Variants in ENDOD1 observed in about 807,000 individuals in gnomAD.
ENDOD1 encodes the protein endonuclease domain containing 1.
A neutral mutation model predicts 6.5 loss-of-function variants in ENDOD1; 9 were observed. The ratio of observed to expected loss-of-function variants is 1.39; its 90% CI spans 0.84 to 2.43. ENDOD1 has a LOEUF of 2.43. ENDOD1 is among the 30% of genes most tolerant of loss of function. The pLI, the probability that ENDOD1 is intolerant of heterozygous loss-of-function variation, is 0.00. For synonymous variants in ENDOD1, 255 were observed against 255.2 expected (o/e 1.00, Z 0.01); for missense variants, 648 against 635.5 (o/e 1.02, Z -0.21).
At chr11:95,111,069 G>T (rs1203914951) in intron 1 of ENDOD1, among the ~76,000 whole-genome samples, 1 of 152,134 alleles carries the variant, frequency 6.6e-6, no homozygotes, top group Admixed American at 6.5e-5. Flanking sequence ...GTACTGGCAG[G>T]CTCCAAATCT....
intron 1 of ENDOD1, among the ~76,000 whole-genome samples, chr11:95,125,565 G>T (rs947012935): frequency 7.3e-5 from 11 of 151,686 alleles, no homozygotes; most frequent in Non-Finnish European, 1.3e-4. Context: ...TTAGCATTAG[G>T]TATATCTCCT....
chr11:95,097,080 G>A (rs987072134), intron 1 of ENDOD1, among the ~76,000 whole-genome samples: 1 of 151,770 alleles, frequency 6.6e-6, no homozygotes, highest in African/African-American at 2.4e-5. Flanking sequence ...ATTTGGGCCT[G>A]GGAGGTAGAG....
In ENDOD1 at chr11:95,090,053, C is replaced by G; in HGVS notation, c.126C>G (p.Thr42=). Residue 42 remains threonine, a synonymous_variant, in exon 1 of 2, where the codon ACC becomes ACG. Transcript: ENST00000278505. ...GECDKFFYAG[T]PPAGLAADSH... ...GTGACAAGTTCTTCTACGCCGGGAC[C>G]CCGCCTGCGGGGCTGGCGGCCGATT... is the stretch of plus-strand genomic sequence containing the variant. 6.2e-7 allele frequency: 1 copy of G among 1,602,562 alleles called. No individual in the cohort carries two copies. The highest frequency in any genetic ancestry group is 8.5e-7 in the Non-Finnish European group (1 of 1,175,790).
chr11:95,125,622 C>T lies in ENDOD1; in HGVS notation c.301-2755C>T, dbSNP rs187614341. ...CCCAACCCCACAACCATCCCCGGTG[C>T]GTGATGTTCCCCTTCCTGTGTCCAT... On this transcript the variant is annotated intron_variant, in intron 1 of 1. Coordinates refer to ENST00000278505, the MANE Select transcript of ENDOD1 (RefSeq NM_015036.3). Among the ~76,000 whole-genome samples the T allele has an allele frequency of 2.7e-3, 382 of 140,592 alleles. 2 individuals are homozygous for T. The highest frequency in any genetic ancestry group is 9.4e-3 in the African/African-American group (357 of 38,064). The allele number at this position is 140,592 out of a possible 152,430, so 92.2% of individuals were successfully genotyped here.
At position 95,128,442 on chromosome 11, in the gene ENDOD1, C is replaced by G. The variant is rs763807885; in HGVS notation, c.366C>G (p.Asn122Lys). Residue 122 changes from asparagine (N) to lysine (K), a missense_variant, in exon 2 of 2, where the codon AAC (asparagine) becomes AAG (lysine). Transcript: ENST00000278505. ...AGGCAGAGGCCATCACCTCTGTGAA[C>G]AGCCTGGGAAGCAAGCAAGCCTTGA... ...INEAEAITSV[N>K]SLGSKQALNT... 9 of 1,614,080 alleles carry G rather than the reference C, an allele frequency of 5.6e-6. No homozygotes were observed. In the African/African-American group the frequency reaches 8.0e-5, roughly 14 times the overall value.
At chr11:95,115,789 A>T (rs377075586) in intron 1 of ENDOD1, among the ~76,000 whole-genome samples, 3 of 152,246 alleles carry the variant, frequency 2.0e-5, no homozygotes, top group African/African-American at 7.2e-5. Flanking sequence ...GATGTGTCAC[A>T]TTGATTGATT....
Position 95,089,859 on chromosome 11 carries a change from CGCCCAGCCTGCAGAGCTCGCGCCGCGGCA to C in ENDOD1, c.-60_-32del. 7.9e-7 allele frequency: 1 copy of C among 1,261,022 alleles called. No homozygotes were observed. The highest frequency in any genetic ancestry group is 1.0e-6 in the Non-Finnish European group (1 of 1,001,166). The allele number at this position is 1,261,022 out of a possible 1,614,324, so 78.1% of individuals were successfully genotyped here. On this transcript the variant is annotated 5_prime_UTR_variant, in exon 1 of 2. Coordinates refer to ENST00000278505, the MANE Select transcript of ENDOD1 (RefSeq NM_015036.3). ...CTGCTCGGCTGCGTAGTGCGCTCCC[CGCCCAGCCTGCAGAGCTCGCGCCGCGGCA>C]GCCCAGCCGCTCGGCCCCGCCGCGC...
chr11:95,128,488 G>A lies in ENDOD1; in HGVS notation c.412G>A (p.Asp138Asn). 3 of 1,614,220 alleles carry A rather than the reference G, an allele frequency of 1.9e-6. No homozygotes were observed. The highest frequency in any genetic ancestry group is 2.5e-6 in the Non-Finnish European group (3 of 1,180,052). The change falls in exon 2 of 2, where the codon GAT (aspartate) becomes AAT (asparagine). Residue 138 changes from aspartate (D) to asparagine (N), a missense_variant. By Grantham distance (23) the Asp-to-Asn change is conservative. Coordinates refer to ENST00000278505, the MANE Select transcript of ENDOD1 (RefSeq NM_015036.3). ...CTTGAATACAGATTACCTTGATTCT[G>A]ATTACCAAAGAGGACAGCTTTACCC... Reference protein sequence around the residue: ...QALNTDYLDSDYQRGQLYPFS... With the variant: ...QALNTDYLDSNYQRGQLYPFS...
At position 95,130,539 on chromosome 11, in the gene ENDOD1, TA is replaced by T. The variant is rs1400554250; in HGVS notation, c.*961del. The T allele has an allele frequency of 6.6e-6, 1 of 152,172 alleles. No homozygotes were observed. The highest frequency in any genetic ancestry group is 2.4e-5 in the African/African-American group (1 of 41,438). The allele number at this position is 152,172 out of a possible 1,614,324, so 9.4% of individuals were successfully genotyped here. On this transcript the variant is annotated 3_prime_UTR_variant, in exon 2 of 2. Coordinates refer to ENST00000278505, the MANE Select transcript of ENDOD1 (RefSeq NM_015036.3). ...TGAAAATTCATATTCTGCAACATAGTAGATTTTTCTAATGCATGAAATAAGT... is the reference window on the plus strand; with the variant it reads ...TGAAAATTCATATTCTGCAACATAGTGATTTTTCTAATGCATGAAATAAGT...
chr11:95,123,587 C>T (rs76450560), intron 1 of ENDOD1, among the ~76,000 whole-genome samples: 1 of 21,464 alleles, frequency 4.7e-5, no homozygotes, highest in African/African-American at 1.3e-4. Context: ...AGTATAAATA[C>T]CAAAAAAAAA....
In ENDOD1 at chr11:95,124,132, G is replaced by A. The variant is rs553536939; in HGVS notation, c.301-4245G>A. Among the ~76,000 whole-genome samples the A allele has an allele frequency of 1.9e-4, 29 of 151,732 alleles. No homozygotes were observed. In the South Asian group the frequency reaches 4.8e-3, roughly 25 times the overall value. ...TCTAAACTATTAAAAGATAAAAAAGGATTTCCCAAGAGAGAGAAAAAAAGG... is the reference window on the plus strand; with the variant it reads ...TCTAAACTATTAAAAGATAAAAAAGAATTTCCCAAGAGAGAGAAAAAAAGG... On this transcript the variant is annotated intron_variant, in intron 1 of 1. Transcript: ENST00000278505.
intron 1 of ENDOD1, among the ~76,000 whole-genome samples, chr11:95,095,043 G>GCA (rs56010766): frequency 0.011 from 1,629 of 147,898 alleles, 9 homozygotes; most frequent in East Asian, 0.048. Context: ...GCGTGTGCAC[G>GCA]CACACACACA....
intron 1 of ENDOD1, among the ~76,000 whole-genome samples, chr11:95,127,221 G>C (rs546913051): frequency 8.2e-4 from 125 of 152,230 alleles, no homozygotes; most frequent in African/African-American, 3.0e-3. Flanking sequence ...AGTTAGTTTG[G>C]GGGATAATGA....
chr11:95,090,961 A>G (rs2134159046), intron 1 of ENDOD1, among the ~76,000 whole-genome samples: 1 of 130,464 alleles, frequency 7.7e-6, no homozygotes, highest in South Asian at 2.4e-4. Flanking sequence ...GACTACCTCC[A>G]ACTGATGGAA....
At chr11:95,097,423 A>G (rs1288549130) in intron 1 of ENDOD1, among the ~76,000 whole-genome samples, 1 of 152,158 alleles carries the variant, frequency 6.6e-6, no homozygotes, top group African/African-American at 2.4e-5. Flanking sequence ...AAGAACTAAG[A>G]GGCTGGTTTG....
chr11:95,102,339 C>T (rs182134209), intron 1 of ENDOD1, among the ~76,000 whole-genome samples: 2 of 144,242 alleles, frequency 1.4e-5, no homozygotes, highest in Non-Finnish European at 3.0e-5. Flanking sequence ...TATTACATAT[C>T]ATCGTGAAGC....
At chr11:95,122,623 C>CACAT (rs906564973) in intron 1 of ENDOD1, among the ~76,000 whole-genome samples, 1 of 150,880 alleles carries the variant, frequency 6.6e-6, no homozygotes, top group African/African-American at 2.4e-5. Context: ...CACACACACA[C>CACAT]AGACACTTTA....
Position 95,103,564 on chromosome 11 carries a change from T to C in ENDOD1, c.300+13337T>C, listed in dbSNP as rs16921380. Among the ~76,000 whole-genome samples, 452 of 152,350 alleles carry C rather than the reference T, an allele frequency of 3.0e-3. 2 individuals are homozygous for C. Among genetic ancestry groups the C allele is most frequent in the African/African-American group, 0.01 (435 of 41,582 alleles). ...ATTACTTAATCGGAAAGGCAGATCATGACCAAGAACTGGTTTACTTAACTC... is the reference window on the plus strand; with the variant it reads ...ATTACTTAATCGGAAAGGCAGATCACGACCAAGAACTGGTTTACTTAACTC... On this transcript the variant is annotated intron_variant, in intron 1 of 1. Coordinates refer to ENST00000278505, the MANE Select transcript of ENDOD1 (RefSeq NM_015036.3).
At chr11:95,096,247 T>TTTTTTG in intron 1 of ENDOD1, among the ~76,000 whole-genome samples, 1 of 145,464 alleles carries the variant, frequency 6.9e-6, no homozygotes, top group Non-Finnish European at 1.5e-5. Context: ...TTTTTTTTTT[T>TTTTTTG]TTTTTCAAAT....
Sources: allele counts gnomAD v4.1 joint callset (sites outside exome capture counted in the v4.1 genomes callset), GRCh38; gene constraint gnomAD v4.1.1; transcripts MANE v1.5; gene names NCBI Gene and HGNC (gene_info 2026-07-23, HGNC 2026-07-21).